ACOT11: variants seen among roughly 807,000 people sequenced by gnomAD.
The protein encoded by ACOT11 is acyl-CoA thioesterase 11.
ACOT11 carries 69 observed loss-of-function variants against 77.5 expected under a neutral mutation model. The observed-to-expected ratio is 0.89, with a 90% CI of 0.73 to 1.09. The LOEUF (loss-of-function observed/expected upper bound fraction) is 1.09. Among genes scored for constraint, ACOT11 ranks in the 50% least tolerant of loss-of-function variants. ACOT11 has a pLI of 0.00. For synonymous variants in ACOT11, 279 were observed against 313.0 expected (o/e 0.89, Z 1.15); for missense variants, 766 against 813.7 (o/e 0.94, Z 0.71).
At chr1:54,601,188 TGTGTGA>T in intron 8 of ACOT11, 75 bp from the exon 9 acceptor site, 3 of 1,521,874 alleles carry the variant, frequency 2.0e-6, no homozygotes, top group South Asian at 1.2e-5. Context: ...TGCATGTGTG[TGTGTGA>T]GTGTGTGTGT....
Position 54,594,624 on chromosome 1 carries a change from C to T in ACOT11, c.540C>T (p.Arg180=). The T allele has an allele frequency of 6.2e-7, 1 of 1,614,160 alleles. No homozygotes were observed. The highest frequency in any genetic ancestry group is 8.5e-7 in the Non-Finnish European group (1 of 1,180,014). ...EKMEHSVAAE[R]RRMRLVYADT... ...TGGAGCACAGTGTGGCGGCTGAGCG[C>T]CGGCGCATGCGCCTTGTCTATGCAG... Residue 180 remains arginine, a synonymous_variant, in exon 6 of 16, where the codon CGC becomes CGT. Coordinates refer to ENST00000343744, the MANE Select transcript of ACOT11 (RefSeq NM_147161.4).
chr1:54,603,971 G>T, intron 11 of ACOT11, 34 bp downstream of exon 11: 1 of 1,601,996 alleles, frequency 6.2e-7, no homozygotes, highest in Non-Finnish European at 8.6e-7. Context: ...ACAGTCTTCA[G>T]ACCCACCGGG....
chr1:54,596,732 C>A (rs1654911789), intron 6 of ACOT11, among the ~76,000 whole-genome samples: 2 of 152,240 alleles, frequency 1.3e-5, no homozygotes, highest in South Asian at 4.2e-4. Flanking sequence ...CGCCACCATG[C>A]CCAGCTAACT....
rs140628818 is a variant in ACOT11, at chr1:54,560,304, A to C, written c.33+11962A>C. On this transcript the variant is annotated intron_variant, in intron 1 of 15. Coordinates refer to ENST00000343744, the MANE Select transcript of ACOT11 (RefSeq NM_147161.4). ...GGAGGTGATGGGTTAGGTTGGCCCT[A>C]AAAGCTTTTCTGGGTTAGGAAGAAT... Among the ~76,000 whole-genome samples, 395 of 152,134 alleles carry C rather than the reference A, an allele frequency of 2.6e-3. 3 individuals carry two copies. Among genetic ancestry groups the C allele is most frequent in the Non-Finnish European group, 3.1e-3 (209 of 67,964 alleles).
intron 1 of ACOT11, among the ~76,000 whole-genome samples, chr1:54,564,153 T>C (rs1284727426): frequency 1.3e-5 from 2 of 151,820 alleles, no homozygotes; most frequent in African/African-American, 2.4e-5. Flanking sequence ...GGTGGGAGGA[T>C]TGCTTGAGCC....
intron 9 of ACOT11, among the ~76,000 whole-genome samples, chr1:54,601,864 C>T (rs1040613666): frequency 5.3e-5 from 8 of 152,228 alleles, no homozygotes; most frequent in Non-Finnish European, 1.0e-4. Flanking sequence ...GCCCTGGGAG[C>T]GGTCAGGAGG....
intron 15 of ACOT11, among the ~76,000 whole-genome samples, chr1:54,620,797 C>T (rs759371213): frequency 1.7e-4 from 22 of 131,590 alleles, no homozygotes; most frequent in Non-Finnish European, 2.2e-4. Context: ...TGTAGTGAGC[C>T]GAGATTGCAC....
At chr1:54,633,829 G>A (rs757823105) in intron 16 of ACOT11, among the ~76,000 whole-genome samples, 1 of 152,184 alleles carries the variant, frequency 6.6e-6, no homozygotes, top group African/African-American at 2.4e-5. Context: ...CTAGCCCTCG[G>A]CAATTAGCAA....
chr1:54,620,078 A>G lies in ACOT11; in HGVS notation c.1630-10656A>G. On this transcript the variant is annotated intron_variant, in intron 15 of 16. Transcript: ENST00000371316. Reference sequence around the variant, plus strand: ...CCCAAGACTCATGTTCGTTCATCCCATGACCCTCCCTGGGCTCCCACTGTG... The same window carrying G: ...CCCAAGACTCATGTTCGTTCATCCCGTGACCCTCCCTGGGCTCCCACTGTG... 7 of 1,536,510 alleles carry G rather than the reference A, an allele frequency of 4.6e-6. No individual in the cohort carries two copies. In the South Asian group the frequency reaches 6.0e-5, roughly 13 times the overall value.
chr1:54,614,403 C>T (rs1214227419), downstream of ACOT11, among the ~76,000 whole-genome samples: 1 of 142,686 alleles, frequency 7.0e-6, no homozygotes, highest in African/African-American at 2.4e-5. Context: ...CAGTGACAGC[C>T]CCATGAAGTC....
intron 15 of ACOT11, chr1:54,619,829 C>A (rs560471881): frequency 6.2e-7 from 1 of 1,609,498 alleles, no homozygotes; most frequent in Non-Finnish European, 8.5e-7. Context: ...CTATCCCTTG[C>A]CCTGGCCTGC....
intron 16 of ACOT11, among the ~76,000 whole-genome samples, chr1:54,633,625 G>T (rs1644313709): frequency 6.6e-6 from 1 of 152,198 alleles, no homozygotes; most frequent in Non-Finnish European, 1.5e-5. Flanking sequence ...CAATTTGCCA[G>T]ACATATGTGG....
chr1:54,591,988 A>G (rs1654728251), intron 3 of ACOT11, among the ~76,000 whole-genome samples: 1 of 152,172 alleles, frequency 6.6e-6, no homozygotes, highest in Non-Finnish European at 1.5e-5. Context: ...TCTTGCCCTT[A>G]CCAGGCATTC....
At chr1:54,614,732 G>T, downstream of ACOT11, 1 of 1,614,104 alleles carries the variant, frequency 6.2e-7, no homozygotes, top group Non-Finnish European at 8.5e-7. Flanking sequence ...AGATGAGCAT[G>T]TTGGGGCCCT....
intron 16 of ACOT11, among the ~76,000 whole-genome samples, chr1:54,633,162 G>A (rs917006649): frequency 1.3e-5 from 2 of 152,222 alleles, no homozygotes; most frequent in African/African-American, 4.8e-5. Context: ...CCATTGTTAA[G>A]CCTCCAGAAC....
downstream of ACOT11, among the ~76,000 whole-genome samples, chr1:54,613,048 C>T (rs1017304285): frequency 1.6e-4 from 25 of 151,964 alleles, no homozygotes; most frequent in African/African-American, 5.8e-4. Context: ...TGAGCTCTGC[C>T]AGCTGGGAGT....
intron 3 of ACOT11, among the ~76,000 whole-genome samples, chr1:54,586,192 GTC>G (rs1211085458): frequency 3.3e-5 from 5 of 152,136 alleles, no homozygotes; most frequent in Non-Finnish European, 7.4e-5. Flanking sequence ...GGGGAAGTCA[GTC>G]TCTCTCTCTG....
intron 3 of ACOT11, among the ~76,000 whole-genome samples, chr1:54,587,225 G>T (rs1654534468): frequency 6.6e-6 from 1 of 151,970 alleles, no homozygotes; most frequent in Non-Finnish European, 1.5e-5. Flanking sequence ...GTGCAATAAT[G>T]GGCTCTGGGC....
At chr1:54,565,635 C>G (rs537195987) in intron 1 of ACOT11, among the ~76,000 whole-genome samples, 14 of 152,174 alleles carry the variant, frequency 9.2e-5, no homozygotes, top group African/African-American at 3.4e-4. Flanking sequence ...CCCCCAAGAA[C>G]GAGACCTGGC....
Sources: allele counts gnomAD v4.1 joint callset (sites outside exome capture counted in the v4.1 genomes callset), GRCh38; gene constraint gnomAD v4.1.1; transcripts MANE v1.5; gene names NCBI Gene and HGNC (gene_info 2026-07-23, HGNC 2026-07-21).